The following DIAPH3 variants were observed in gnomAD, a reference collection of about 807,000 sequenced individuals.
DIAPH3 encodes protein diaphanous homolog 3.
In DIAPH3, 117 loss-of-function variants were observed where a neutral mutation model predicts 144.3. The ratio of observed to expected loss-of-function variants is 0.81; its 90% CI spans 0.70 to 0.95. DIAPH3 has a LOEUF of 0.95. Among genes scored for constraint, DIAPH3 ranks in the 40% least tolerant of loss-of-function variants. DIAPH3 has a pLI of 0.00. For synonymous variants in DIAPH3, 519 were observed against 488.9 expected, an observed-to-expected ratio of 1.06 and a Z score of -0.81; for missense variants, 1,421 against 1,412.7, an observed-to-expected ratio of 1.01 and a Z score of -0.09.
Position 59,666,441 on chromosome 13 carries a change from T to C in DIAPH3, c.*143A>G, listed in dbSNP as rs2032013159. Reference sequence around the variant, plus strand: ...GTACATAGAAAAAGCATTGCAATCATATATTTAGCTTTATTTTTCTAATAT... The same window carrying C: ...GTACATAGAAAAAGCATTGCAATCACATATTTAGCTTTATTTTTCTAATAT... On this transcript the variant is annotated 3_prime_UTR_variant, in exon 28 of 28. Transcript: ENST00000400324. 1.3e-5 allele frequency: 13 copies of C among 976,814 alleles called. No homozygotes were observed. Among genetic ancestry groups the C allele is most frequent in the African/African-American group, 1.7e-5 (1 of 60,240 alleles). 60.5% of individuals were successfully genotyped at this position (976,814 alleles called of 1,614,324 possible). A position where few individuals can be genotyped will look rare whatever the true frequency, so the allele number is the denominator to read the frequency against.
chr13:59,833,081 T>C (rs1204736284), intron 24 of DIAPH3, 26 bp downstream of exon 24: 4 of 1,591,744 alleles, frequency 2.5e-6, no homozygotes, highest in East Asian at 4.6e-5. Flanking sequence ...AAAAAAACTT[T>C]TTAAAAAACA....
At chr13:59,827,582 T>C (rs1027731911) in intron 24 of DIAPH3, among the ~76,000 whole-genome samples, 2 of 151,992 alleles carry the variant, frequency 1.3e-5, no homozygotes, top group African/African-American at 4.8e-5. Flanking sequence ...CTAATAATTT[T>C]GGATAAGGAA....
At chr13:59,953,010 A>G (rs2049180455) in intron 17 of DIAPH3, among the ~76,000 whole-genome samples, 1 of 152,194 alleles carries the variant, frequency 6.6e-6, no homozygotes, top group African/African-American at 2.4e-5. Flanking sequence ...AGTAGCTAAC[A>G]GTATGTTAGA....
chr13:59,677,420 GA>G (rs796435428), intron 27 of DIAPH3, among the ~76,000 whole-genome samples: 1 of 147,786 alleles, frequency 6.8e-6, no homozygotes, highest in Non-Finnish European at 1.5e-5. Context: ...ATTAAACATT[GA>G]AAAAAAAAGG....
chr13:59,964,637 T>C (rs2049951387), intron 17 of DIAPH3, among the ~76,000 whole-genome samples: 4 of 152,112 alleles, frequency 2.6e-5, no homozygotes, highest in Admixed American at 2.6e-4. Flanking sequence ...TTAGTTCCCA[T>C]TTCGCTAAAG....
Position 60,042,694 on chromosome 13 carries a change from C to T in DIAPH3, c.622G>A (p.Val208Met). The change falls in exon 5 of 28, where the codon GTG (valine) becomes ATG (methionine). Residue 208 changes from valine to methionine, a missense_variant. Physicochemically the swap from Val to Met is conservative, Grantham distance 21. Transcript: ENST00000400324. ...SLRVSLTSNP[V>M]SWVESFGHEG... ...GTGTTCAAATAGATGAATTACCTCA[C>T]AGGATTGCTGGTCAAAGACACTCGG... 2 of 1,613,552 alleles carry T rather than the reference C, an allele frequency of 1.2e-6. No homozygotes were observed. The highest frequency in any genetic ancestry group is 1.7e-6 in the Non-Finnish European group (2 of 1,179,660).
At chr13:60,086,458 G>A (rs1405461911) in intron 4 of DIAPH3, among the ~76,000 whole-genome samples, 2 of 152,142 alleles carry the variant, frequency 1.3e-5, no homozygotes, top group African/African-American at 4.8e-5. Context: ...TAGTCAGCAA[G>A]TAAGACCTGG....
intron 20 of DIAPH3, among the ~76,000 whole-genome samples, chr13:59,902,540 A>G (rs1276887032): frequency 3.3e-5 from 5 of 152,148 alleles, no homozygotes; most frequent in African/African-American, 9.7e-5. Flanking sequence ...TTGGGAGGCC[A>G]AGGCAGGCAG....
chr13:59,895,430 G>GAAAAAAAA (rs529308484), intron 20 of DIAPH3, among the ~76,000 whole-genome samples: 1 of 75,944 alleles, frequency 1.3e-5, no homozygotes, highest in Non-Finnish European at 2.8e-5. Context: ...AATGTTAAAG[G>GAAAAAAAA]AAAAAAAAAA....
intron 12 of DIAPH3, among the ~76,000 whole-genome samples, chr13:59,984,412 A>G (rs991784030): frequency 1.3e-4 from 19 of 151,908 alleles, no homozygotes; most frequent in Non-Finnish European, 7.4e-5. Flanking sequence ...AGGGAAATAG[A>G]AAAATTCAGT....
rs11421911 is a variant in DIAPH3 at position 59,666,357 on chromosome 13, C to CAA, written c.*225_*226dup. 8,199 of 301,018 alleles carry CAA rather than the reference C, an allele frequency of 0.027. 242 individuals are homozygous for CAA. The highest frequency in any genetic ancestry group is 0.12 in the African/African-American group (3,938 of 33,572). The allele number at this position is 301,018 out of a possible 1,614,324, so 18.6% of individuals were successfully genotyped here. On this transcript the variant is annotated 3_prime_UTR_variant, in exon 28 of 28. Coordinates refer to ENST00000400324, the MANE Select transcript of DIAPH3 (RefSeq NM_001042517.2). ...TAAAGAACTGAGGAATACCAGGAGA[C>CAA]AAAAAAAAAAAAAAAAGGATTAAAG... is the stretch of plus-strand genomic sequence containing the variant.
chr13:59,841,810 T>C lies in DIAPH3; in HGVS notation c.2738-2362A>G, dbSNP rs150982059. 2.3e-4 allele frequency among the ~76,000 whole-genome samples: 35 copies of C among 152,288 alleles called. No homozygotes were observed. In the East Asian group the frequency reaches 5.0e-3, roughly 22 times the overall value. The stretch of plus-strand genomic sequence containing the variant: ...CAGGTACCGTCTTAAGTGTTTTCTA[T>C]TAATTAACTCATGCAATCCTCACCA... On this transcript the variant is annotated intron_variant, in intron 22 of 27. Transcript: ENST00000400324.
At chr13:60,120,232 T>G (rs889694252) in intron 2 of DIAPH3, among the ~76,000 whole-genome samples, 1 of 152,184 alleles carries the variant, frequency 6.6e-6, no homozygotes, top group Admixed American at 6.5e-5. Flanking sequence ...GTCTTTACAT[T>G]TAAGCACTAG....
chr13:59,709,915 A>T (rs898999064), intron 27 of DIAPH3, among the ~76,000 whole-genome samples: 2 of 152,250 alleles, frequency 1.3e-5, no homozygotes, highest in African/African-American at 4.8e-5. Flanking sequence ...CTATGCAGCC[A>T]TAAAAAATGA....
At chr13:59,872,653 A>G (rs888588060) in intron 21 of DIAPH3, among the ~76,000 whole-genome samples, 2 of 152,246 alleles carry the variant, frequency 1.3e-5, no homozygotes, top group Non-Finnish European at 2.9e-5. Context: ...CACTTCTTAG[A>G]GTATCAGGAA....
At chr13:60,068,907 T>A (rs182685809) in intron 4 of DIAPH3, among the ~76,000 whole-genome samples, 79 of 150,184 alleles carry the variant, frequency 5.3e-4, no homozygotes, top group Non-Finnish European at 1.0e-3. Flanking sequence ...GTATTTAGGT[T>A]AATTCCATGT....
rs976271518 is a variant in DIAPH3, at chr13:59,910,563, A to G, written c.2367+1172T>C. ...GCCAACATGGTGAAACCCCATCTCT[A>G]TTAAAAATACAAAAAAATAGCTGAG... On this transcript the variant is annotated intron_variant, in intron 20 of 27. Coordinates refer to ENST00000400324, the MANE Select transcript of DIAPH3 (RefSeq NM_001042517.2). Among the ~76,000 whole-genome samples the G allele has an allele frequency of 3.3e-5, 5 of 151,928 alleles. No homozygotes were observed. The East Asian group carries it at 5.8e-4, about 18-fold the overall frequency.
intron 12 of DIAPH3, among the ~76,000 whole-genome samples, chr13:59,987,938 T>C (rs554199800): frequency 6.6e-6 from 1 of 151,952 alleles, no homozygotes; most frequent in South Asian, 2.1e-4. Flanking sequence ...CCATCTCAGA[T>C]CATCCCCTAG....
At chr13:59,808,377 C>A (rs764610411) in intron 25 of DIAPH3, among the ~76,000 whole-genome samples, 1 of 151,630 alleles carries the variant, frequency 6.6e-6, no homozygotes, top group Non-Finnish European at 1.5e-5. Context: ...CAAAGAAATG[C>A]AAATTAAGAT....
Sources: allele counts gnomAD v4.1 joint callset (sites outside exome capture counted in the v4.1 genomes callset), GRCh38; gene constraint gnomAD v4.1.1; transcripts MANE v1.5; gene names NCBI Gene and HGNC (gene_info 2026-07-23, HGNC 2026-07-21).